GPC3: variants seen among roughly 807,000 people sequenced by gnomAD.
The protein encoded by GPC3 is glypican 3.
Under a neutral mutation model 34.4 loss-of-function variants are expected in GPC3, and 3 were observed. That is an observed-to-expected ratio of 0.09 (90% CI 0.04 to 0.23). GPC3 has a LOEUF of 0.23. Ranked by LOEUF, GPC3 falls within the 10% of genes least tolerant of loss-of-function variation. GPC3 has a pLI of 1.00. For missense variants in GPC3, 351 were observed against 445.6 expected (o/e 0.79, Z 1.91); for synonymous variants, 177 against 174.0 (o/e 1.02, Z -0.13).
intron 2 of GPC3, among the ~76,000 whole-genome samples, chrX:133,795,331 TA>T (rs1844584932): frequency 8.9e-6 from 1 of 112,358 alleles, no homozygotes; most frequent in South Asian, 3.7e-4. Context: ...GTAATTCACA[TA>T]AAGTGGTCAT....
intron 2 of GPC3, among the ~76,000 whole-genome samples, chrX:133,782,788 A>G (rs923757513): frequency 8.9e-5 from 10 of 111,943 alleles, no homozygotes; most frequent in African/African-American, 2.9e-4. Flanking sequence ...AGATGACCAT[A>G]GAGAGACTGG....
chrX:133,548,403 T>G (rs940379567), intron 7 of GPC3, among the ~76,000 whole-genome samples: 2 of 110,726 alleles, frequency 1.8e-5, no homozygotes, highest in African/African-American at 6.6e-5. Context: ...CCACAATGGA[T>G]CTTACAAAAT....
chrX:133,543,892 C>T (rs765025671), intron 7 of GPC3, among the ~76,000 whole-genome samples: 2 of 111,973 alleles, frequency 1.8e-5, no homozygotes, highest in East Asian at 2.8e-4. Context: ...ATTCACTCAC[C>T]CTTCTCTGAC....
chrX:133,639,873 C>G, intron 6 of GPC3, among the ~76,000 whole-genome samples: 2 of 111,015 alleles, frequency 1.8e-5, no homozygotes, highest in Middle Eastern at 4.6e-3. Flanking sequence ...ATGCCCTGAA[C>G]AAACACTCCT....
At chrX:133,542,134 T>C (rs1415733471) in intron 7 of GPC3, among the ~76,000 whole-genome samples, 1 of 112,353 alleles carries the variant, frequency 8.9e-6, no homozygotes, top group Non-Finnish European at 1.9e-5. Context: ...GATGTTTCTC[T>C]GGTGATATTC....
Position 133,910,469 on chromosome X carries a change from AC to A in GPC3, c.337+42580del, listed in dbSNP as rs764213062. On this transcript the variant is annotated intron_variant, in intron 2 of 7. Transcript: ENST00000370818. ...CCAGCTTTTACCAATTGTCTTCCAG[AC>A]CCTGGGAAATTCTACTTCCTAATCT... Among the ~76,000 whole-genome samples the A allele has an allele frequency of 4.5e-5, 5 of 111,771 alleles. No homozygotes were observed. In the East Asian group the frequency reaches 1.4e-3, roughly 31 times the overall value.
At chrX:133,668,174 T>C (rs1305376239) in intron 5 of GPC3, among the ~76,000 whole-genome samples, 1 of 111,158 alleles carries the variant, frequency 9.0e-6, no homozygotes, top group African/African-American at 3.3e-5. Context: ...CCCAAAATGC[T>C]GGGATTATAG....
chrX:133,573,973 A>C (rs1419035883), intron 7 of GPC3, among the ~76,000 whole-genome samples: 1 of 112,502 alleles, frequency 8.9e-6, no homozygotes, highest in African/African-American at 3.2e-5. Flanking sequence ...ATACAATGGA[A>C]TGTTATTAAG....
intron 2 of GPC3, among the ~76,000 whole-genome samples, chrX:133,789,625 A>G (rs1198496486): frequency 8.9e-6 from 1 of 112,212 alleles, no homozygotes; most frequent in Non-Finnish European, 1.9e-5. Context: ...TGAGTCTGCA[A>G]TGCTTTCAAC....
chrX:133,879,235 A>T (rs1481504896), intron 2 of GPC3, among the ~76,000 whole-genome samples: 1 of 110,186 alleles, frequency 9.1e-6, no homozygotes, highest in Non-Finnish European at 1.9e-5. Context: ...GTAACCTGGG[A>T]GATAACAAAA....
intron 4 of GPC3, among the ~76,000 whole-genome samples, chrX:133,698,220 T>G (rs1259289198): frequency 8.9e-6 from 1 of 112,088 alleles, no homozygotes; most frequent in Non-Finnish European, 1.9e-5. Flanking sequence ...AACTGAGATG[T>G]GCCAAAAATA....
chrX:133,932,288 T>A (rs2076302139), intron 2 of GPC3, among the ~76,000 whole-genome samples: 1 of 112,426 alleles, frequency 8.9e-6, no homozygotes. Context: ...GCTATTGTTG[T>A]TTGGTTTCTT....
intron 2 of GPC3, among the ~76,000 whole-genome samples, chrX:133,797,658 G>T (rs1374593419): frequency 9.0e-6 from 1 of 110,574 alleles, no homozygotes; most frequent in East Asian, 2.8e-4. Flanking sequence ...TCGAAACCCT[G>T]TCTCTACTAA....
intron 1 of GPC3, among the ~76,000 whole-genome samples, chrX:133,967,787 C>A (rs1331696762): frequency 9.0e-6 from 1 of 111,519 alleles, no homozygotes; most frequent in Admixed American, 9.5e-5. Flanking sequence ...CAGCACCCTG[C>A]CCAGCTAATT....
chrX:133,892,181 C>T (rs1260819276), intron 2 of GPC3, among the ~76,000 whole-genome samples: 1 of 111,799 alleles, frequency 8.9e-6, no homozygotes, highest in Non-Finnish European at 1.9e-5. Context: ...AGACATGTTA[C>T]ATTTTTTTCC....
chrX:133,919,468 A>T, intron 2 of GPC3, among the ~76,000 whole-genome samples: 1 of 111,976 alleles, frequency 8.9e-6, no homozygotes, highest in Non-Finnish European at 1.9e-5. Flanking sequence ...AATATCCCAC[A>T]TAGCTACCAC....
chrX:133,831,857 C>T (rs2075776841), intron 2 of GPC3, among the ~76,000 whole-genome samples: 1 of 112,735 alleles, frequency 8.9e-6, no homozygotes, highest in African/African-American at 3.2e-5. Flanking sequence ...ACATCACTAG[C>T]CATTAGGGGA....
intron 3 of GPC3, among the ~76,000 whole-genome samples, chrX:133,749,672 A>G (rs2071643634): frequency 9.0e-6 from 1 of 111,674 alleles, no homozygotes; most frequent in Admixed American, 9.6e-5. Context: ...GCTCGAAAGG[A>G]TATCCCAGCA....
At chrX:133,873,725 C>A (rs2076004283) in intron 2 of GPC3, among the ~76,000 whole-genome samples, 1 of 110,908 alleles carries the variant, frequency 9.0e-6, no homozygotes, top group African/African-American at 3.3e-5. Flanking sequence ...TTCACCAAAT[C>A]CTAATACAGT....
Sources: allele counts gnomAD v4.1 joint callset (sites outside exome capture counted in the v4.1 genomes callset), GRCh38; gene constraint gnomAD v4.1.1; transcripts MANE v1.5; gene names NCBI Gene and HGNC (gene_info 2026-07-23, HGNC 2026-07-21).